NIBAN1: variants seen among roughly 807,000 people sequenced by gnomAD.
The protein encoded by NIBAN1 is niban apoptosis regulator 1, also known as protein Niban 1.
Under a neutral mutation model 75.1 loss-of-function variants are expected in NIBAN1, and 81 were observed. That is an observed-to-expected ratio of 1.08 (90% CI 0.90 to 1.30). The LOEUF (loss-of-function observed/expected upper bound fraction) is 1.30, where lower values mean the gene tolerates loss of function less well. Ranked by LOEUF, NIBAN1 falls within the 50% of genes most tolerant of loss-of-function variation. The probability of loss-of-function intolerance (pLI) is 0.00; values close to 1 mark genes in which losing one functional copy is unlikely to be tolerated. For synonymous variants in NIBAN1, 436 were observed against 424.8 expected (o/e 1.03, Z -0.32); for missense variants, 1,133 against 1,128.1 (o/e 1.00, Z -0.06).
chr1:184,898,750 C>A (rs1455653934), intron 2 of NIBAN1, among the ~76,000 whole-genome samples: 1 of 152,140 alleles, frequency 6.6e-6, no homozygotes, highest in Non-Finnish European at 1.5e-5. Flanking sequence ...TGTCTTAATT[C>A]CCCAGTTCTT....
chr1:184,949,070 G>A (rs1658296935), intron 1 of NIBAN1, among the ~76,000 whole-genome samples: 1 of 152,076 alleles, frequency 6.6e-6, no homozygotes, highest in Non-Finnish European at 1.5e-5. Flanking sequence ...GACATTTGGT[G>A]AGAGATTTTC....
intron 5 of NIBAN1, among the ~76,000 whole-genome samples, chr1:184,872,506 G>C (rs574362367): frequency 1.3e-5 from 2 of 152,164 alleles, no homozygotes; most frequent in Non-Finnish European, 1.5e-5. Flanking sequence ...AGGAGTTCGA[G>C]ACCAGCCTGA....
chr1:184,932,554 G>A lies in NIBAN1; in HGVS notation c.56-33245C>T, dbSNP rs151219928. ...CGGCTGTAAATACAGATGAAGCTTC[G>A]CTTGCTCATCTGCTGCTCACCTCCT... On this transcript the variant is annotated intron_variant, in intron 1 of 13. Coordinates refer to ENST00000367511, the MANE Select transcript of NIBAN1 (RefSeq NM_052966.4). 6.3e-3 allele frequency among the ~76,000 whole-genome samples: 964 copies of A among 152,216 alleles called. 11 individuals carry two copies. Among genetic ancestry groups the A allele is most frequent in the African/African-American group, 0.022 (910 of 41,524 alleles).
At chr1:184,973,987 C>T (rs1659004149) in intron 1 of NIBAN1, among the ~76,000 whole-genome samples, 1 of 152,198 alleles carries the variant, frequency 6.6e-6, no homozygotes, top group South Asian at 2.1e-4. Flanking sequence ...CAGTCCAGGG[C>T]AGGTACTGGA....
intron 1 of NIBAN1, among the ~76,000 whole-genome samples, chr1:184,903,996 T>C (rs1432189264): frequency 6.6e-6 from 1 of 151,826 alleles, no homozygotes; most frequent in Admixed American, 6.6e-5. Context: ...TCCCAGGTTC[T>C]AGTGATTCTC....
At chr1:184,899,042 GT>G (rs1001053071) in intron 2 of NIBAN1, 136 bp downstream of exon 2, 3 of 958,042 alleles carry the variant, frequency 3.1e-6, no homozygotes, top group African/African-American at 3.3e-5. Context: ...GGCAAATAGA[GT>G]TTTTTGAGCA....
chr1:184,957,644 T>C (rs11807204), intron 1 of NIBAN1, among the ~76,000 whole-genome samples: 435 of 152,326 alleles, frequency 2.9e-3, no homozygotes, highest in African/African-American at 0.01. Flanking sequence ...AATGTGAGAA[T>C]TATATCACAT....
intron 1 of NIBAN1, among the ~76,000 whole-genome samples, chr1:184,960,830 A>G: frequency 6.6e-6 from 1 of 152,044 alleles, no homozygotes; most frequent in East Asian, 1.9e-4. Context: ...GGGTTTCAAC[A>G]TGTTGACCAG....
intron 1 of NIBAN1, among the ~76,000 whole-genome samples, chr1:184,966,958 G>T (rs943148493): frequency 2.0e-5 from 3 of 152,102 alleles, no homozygotes; most frequent in African/African-American, 7.2e-5. Context: ...AACTTCCTTA[G>T]GTCCTAGAAC....
chr1:184,807,909 A>G, intron 10 of NIBAN1, 165 bp downstream of exon 10: 1 of 706,818 alleles, frequency 1.4e-6, no homozygotes, highest in Middle Eastern at 2.5e-4. Context: ...CATGGATGGA[A>G]GATGAAGCCA....
At chr1:184,800,903 T>G (rs1654021677) in intron 12 of NIBAN1, among the ~76,000 whole-genome samples, 1 of 152,210 alleles carries the variant, frequency 6.6e-6, no homozygotes. Context: ...AAACATTCTC[T>G]TTCTCTTCAG....
At chr1:184,845,310 T>C (rs1655407707) in intron 5 of NIBAN1, among the ~76,000 whole-genome samples, 1 of 152,220 alleles carries the variant, frequency 6.6e-6, no homozygotes, top group African/African-American at 2.4e-5. Flanking sequence ...TCTTGTTTAA[T>C]AACTTGGCTA....
chr1:184,954,003 T>C (rs751389677), intron 1 of NIBAN1, among the ~76,000 whole-genome samples: 15 of 152,256 alleles, frequency 9.9e-5, no homozygotes, highest in Non-Finnish European at 1.9e-4. Context: ...GAGCACTTCA[T>C]TACTCAAAAT....
At chr1:184,907,255 T>G (rs2101999855) in intron 1 of NIBAN1, among the ~76,000 whole-genome samples, 1 of 152,274 alleles carries the variant, frequency 6.6e-6, no homozygotes, top group African/African-American at 2.4e-5. Flanking sequence ...ATATTGCATT[T>G]TTACTGTTAC....
At chr1:184,854,316 C>T (rs915756934) in intron 5 of NIBAN1, among the ~76,000 whole-genome samples, 3 of 152,166 alleles carry the variant, frequency 2.0e-5, no homozygotes, top group Admixed American at 6.5e-5. Flanking sequence ...CAAACAGCCT[C>T]ATTACAAAGG....
At chr1:184,946,220 C>T (rs113861917) in intron 1 of NIBAN1, among the ~76,000 whole-genome samples, 1 of 152,188 alleles carries the variant, frequency 6.6e-6, no homozygotes, top group African/African-American at 2.4e-5. Context: ...AGGAGAACTG[C>T]TCCCCTATTA....
intron 5 of NIBAN1, among the ~76,000 whole-genome samples, chr1:184,858,424 A>G (rs1655732877): frequency 6.6e-6 from 1 of 152,246 alleles, no homozygotes; most frequent in Admixed American, 6.5e-5. Flanking sequence ...AAGTGCATCT[A>G]AATGGCTGAT....
At chr1:184,931,429 G>A (rs1033844241) in intron 1 of NIBAN1, among the ~76,000 whole-genome samples, 4 of 152,038 alleles carry the variant, frequency 2.6e-5, no homozygotes, top group African/African-American at 7.3e-5. Flanking sequence ...TATTATTGTC[G>A]CTTTAGCTAA....
intron 2 of NIBAN1, among the ~76,000 whole-genome samples, chr1:184,894,613 C>T (rs1656751837): frequency 6.6e-6 from 1 of 152,166 alleles, no homozygotes; most frequent in Non-Finnish European, 1.5e-5. Flanking sequence ...AGGGTTAATC[C>T]CCGCAAAGCG....
Sources: gnomAD v4.1 joint callset for allele counts (sites outside exome capture counted in the v4.1 genomes callset) on GRCh38, gnomAD v4.1.1 for gene constraint, MANE v1.5 for transcripts, NCBI Gene and HGNC (gene_info 2026-07-23, HGNC 2026-07-21) for gene names.